The following GIMAP6 variants were observed in gnomAD, a reference collection of about 807,000 sequenced individuals.
GIMAP6 encodes GTPase, IMAP family member 6.
Under a neutral mutation model 9.3 loss-of-function variants are expected in GIMAP6, and 6 were observed. The ratio of observed to expected loss-of-function variants is 0.65; its 90% CI spans 0.35 to 1.27. The LOEUF (loss-of-function observed/expected upper bound fraction) is 1.27, where lower values mean the gene tolerates loss of function less well. Among genes scored for constraint, GIMAP6 ranks in the 50% most tolerant of loss-of-function variants. The pLI is 0.03. For synonymous variants in GIMAP6, 156 were observed against 151.1 expected, an observed-to-expected ratio of 1.03 and a Z score of -0.24; for missense variants, 333 against 359.5, an observed-to-expected ratio of 0.93 and a Z score of 0.60.
In GIMAP6 at chr7:150,625,736, C is replaced by T. The variant is rs966348036; in HGVS notation, c.*1983G>A. ...GGGGGAAATTACAGAATGATTTTAA[C>T]TCTCACATAGAAGAAAAAAATGCCT... On this transcript the variant is annotated 3_prime_UTR_variant, in exon 3 of 3. Transcript: ENST00000328902. The T allele has an allele frequency of 1.3e-5, 2 of 152,110 alleles. No individual in the cohort carries two copies. The highest frequency in any genetic ancestry group is 2.9e-5 in the Non-Finnish European group (2 of 68,010). 9.4% of individuals were successfully genotyped at this position (152,110 alleles called of 1,614,324 possible).
intron 2 of GIMAP6, among the ~76,000 whole-genome samples, chr7:150,629,698 G>T (rs1796359368): frequency 6.6e-6 from 1 of 152,134 alleles, no homozygotes; most frequent in Non-Finnish European, 1.5e-5. Flanking sequence ...GGGTCTGTTG[G>T]CATCCAAGCC....
In GIMAP6 at chr7:150,628,615, A is replaced by C. The variant is rs546970500; in HGVS notation, c.86-103T>G. The C allele has an allele frequency of 7.0e-5, 111 of 1,591,336 alleles. No homozygotes were observed. In the African/African-American group the frequency reaches 1.4e-3, roughly 20 times the overall value. On this transcript the variant is annotated intron_variant, in intron 2 of 2. Coordinates refer to ENST00000328902, the MANE Select transcript of GIMAP6 (RefSeq NM_024711.6). ...GGGTGTACCCCCAGACTGCAGGGGC[A>C]GATTGTAAAAGACCAACATCTGCCC... is the stretch of plus-strand genomic sequence containing the variant.
Position 150,630,047 on chromosome 7 carries a change from A to G in GIMAP6, c.85+11T>C. 6.4e-7 allele frequency: 1 copy of G among 1,568,596 alleles called. No homozygotes were observed. The highest frequency in any genetic ancestry group is 8.7e-7 in the Non-Finnish European group (1 of 1,150,888). On this transcript the variant is annotated intron_variant, in intron 2 of 2. Coordinates refer to ENST00000328902, the MANE Select transcript of GIMAP6 (RefSeq NM_024711.6). ...GTTTCCCACTTGCTCCCCTCTCCTC[A>G]TTCATTTTACCTCCTGACAGCTCCA...
rs1417805552 is a variant in GIMAP6, at chr7:150,626,655, G to C, written c.*1064C>G. ...CGCAAGATGTTTAAGTCACTCTACT[G>C]CTTCCTTTGCAGGCCCCCTTTCTTC... On this transcript the variant is annotated 3_prime_UTR_variant, in exon 3 of 3. Transcript: ENST00000328902. The C allele has an allele frequency of 6.6e-6, 1 of 152,316 alleles. No homozygotes were observed. Among genetic ancestry groups the C allele is most frequent in the African/African-American group, 2.4e-5 (1 of 41,436 alleles). 9.4% of individuals were successfully genotyped at this position (152,316 alleles called of 1,614,324 possible). A position where few individuals can be genotyped will look rare whatever the true frequency, so the allele number is the denominator to read the frequency against.
chr7:150,626,609 C>T lies in GIMAP6; in HGVS notation c.*1110G>A, dbSNP rs1796298431. 6.6e-6 allele frequency: 1 copy of T among 152,272 alleles called. No homozygotes were observed. The highest frequency in any genetic ancestry group is 6.5e-5 in the Admixed American group (1 of 15,282). The allele number at this position is 152,272 out of a possible 1,614,324, so 9.4% of individuals were successfully genotyped here. ...AACATCATGGGCTTCAGAGTTCTCC[C>T]ATAAACCAGGCAGGCTGCCTCGCAA... On this transcript the variant is annotated 3_prime_UTR_variant, in exon 3 of 3. Transcript: ENST00000328902.
At position 150,625,818 on chromosome 7, in the gene GIMAP6, T is replaced by C. The variant is rs986829085; in HGVS notation, c.*1901A>G. 10 of 152,106 alleles carry C rather than the reference T, an allele frequency of 6.6e-5. No individual in the cohort carries two copies. The highest frequency in any genetic ancestry group is 2.4e-4 in the African/African-American group (10 of 41,414). The allele number at this position is 152,106 out of a possible 1,614,324, so 9.4% of individuals were successfully genotyped here. A position where few individuals can be genotyped will look rare whatever the true frequency, so the allele number is the denominator to read the frequency against. ...CTGAGGCAAAAATTGGCTCCCACAT[T>C]ATAGTCAAAGCCACTGTAATCAAAT... is the stretch of plus-strand genomic sequence containing the variant. On this transcript the variant is annotated 3_prime_UTR_variant, in exon 3 of 3. Coordinates refer to ENST00000328902, the MANE Select transcript of GIMAP6 (RefSeq NM_024711.6).
chr7:150,629,035 C>A (rs966782498), intron 2 of GIMAP6, among the ~76,000 whole-genome samples: 14 of 152,192 alleles, frequency 9.2e-5, no homozygotes, highest in African/African-American at 3.1e-4. Flanking sequence ...CTCTGACCCA[C>A]GTGCCAATTC....
chr7:150,631,479 T>A (rs55642497), intron 1 of GIMAP6, among the ~76,000 whole-genome samples: 44,216 of 152,142 alleles, frequency 0.29, 6,563 homozygotes, highest in Non-Finnish European at 0.31. Context: ...CCTGGCTTCC[T>A]TACATCCCTG....
chr7:150,627,671 G>A lies in GIMAP6; in HGVS notation c.*48C>T. 1 of 1,603,342 alleles carries A rather than the reference G, an allele frequency of 6.2e-7. No individual in the cohort carries two copies. Among genetic ancestry groups the A allele is most frequent in the African/African-American group, 1.3e-5 (1 of 74,854 alleles). On this transcript the variant is annotated 3_prime_UTR_variant, in exon 3 of 3. Coordinates refer to ENST00000328902, the MANE Select transcript of GIMAP6 (RefSeq NM_024711.6). ...AAAGAGAAACAGAGGGCTGGACACAGGGGGGTGCAAAGGCTGATGGTGTCC... is the reference window on the plus strand; with the variant it reads ...AAAGAGAAACAGAGGGCTGGACACAAGGGGGTGCAAAGGCTGATGGTGTCC...
rs530295126 is a variant in GIMAP6, at chr7:150,627,600, C to T, written c.*119G>A. ...CTCAAGCCCCATGCCCCTCTTCCTA[C>T]ACCAGACGTCATGACCTGGAGACTG... On this transcript the variant is annotated 3_prime_UTR_variant, in exon 3 of 3. Coordinates refer to ENST00000328902, the MANE Select transcript of GIMAP6 (RefSeq NM_024711.6). 2.4e-6 allele frequency: 3 copies of T among 1,256,102 alleles called. No individual in the cohort carries two copies. The highest frequency in any genetic ancestry group is 3.4e-5 in the Admixed American group (2 of 58,302). The allele number at this position is 1,256,102 out of a possible 1,614,324, so 77.8% of individuals were successfully genotyped here.
rs554794074 is a variant in GIMAP6, at chr7:150,628,712, A to C, written c.86-200T>G. ...GGGGCTGAACGTTCTCTCCCAGTGCAAGAGCAGAGCCTAGAAAGAAGAGCG... is the reference window on the plus strand; with the variant it reads ...GGGGCTGAACGTTCTCTCCCAGTGCCAGAGCAGAGCCTAGAAAGAAGAGCG... On this transcript the variant is annotated intron_variant, in intron 2 of 2. Coordinates refer to ENST00000328902, the MANE Select transcript of GIMAP6 (RefSeq NM_024711.6). The C allele has an allele frequency of 1.9e-4, 288 of 1,506,416 alleles. No individual in the cohort carries two copies. In the East Asian group the frequency reaches 6.9e-3, roughly 36 times the overall value. 93.3% of individuals were successfully genotyped at this position (1,506,416 alleles called of 1,614,324 possible). A position where few individuals can be genotyped will look rare whatever the true frequency, so the allele number is the denominator to read the frequency against.
In GIMAP6 at chr7:150,628,472, C is replaced by A; in HGVS notation, c.126G>T (p.Arg42Ser). 6.2e-7 allele frequency: 1 copy of A among 1,614,176 alleles called. No homozygotes were observed. The highest frequency in any genetic ancestry group is 8.5e-7 in the Non-Finnish European group (1 of 1,180,024). Residue 42 changes from arginine (R) to serine (S), a missense_variant, in exon 3 of 3, where the codon AGG (arginine) becomes AGT (serine). Coordinates refer to ENST00000328902, the MANE Select transcript of GIMAP6 (RefSeq NM_024711.6). ...TCCCTGTTTTCCCCATGAGAATGAG[C>A]CTCAGTCTCCTTGGGGTCTTCTGTT... ...EKEQKTPRRL[R>S]LILMGKTGSG...
rs189588086 is a variant in GIMAP6 at position 150,625,772 on chromosome 7, A to G, written c.*1947T>C. Reference sequence around the variant, plus strand: ...AAGAAAAAAATGCCTGAGAATAACAAGGTAAATATAAAAATGAAGACTGAG... The same window carrying G: ...AAGAAAAAAATGCCTGAGAATAACAGGGTAAATATAAAAATGAAGACTGAG... On this transcript the variant is annotated 3_prime_UTR_variant, in exon 3 of 3. Transcript: ENST00000328902. The G allele has an allele frequency of 6.6e-6, 1 of 152,336 alleles. No homozygotes were observed. Among genetic ancestry groups the G allele is most frequent in the Admixed American group, 6.5e-5 (1 of 15,300 alleles). The allele number at this position is 152,336 out of a possible 1,614,324, so 9.4% of individuals were successfully genotyped here.
chr7:150,631,890 C>A (rs1299643340), intron 1 of GIMAP6, among the ~76,000 whole-genome samples: 1 of 152,056 alleles, frequency 6.6e-6, no homozygotes, highest in Non-Finnish European at 1.5e-5. Flanking sequence ...CAAACCTGCA[C>A]ACACCACAGC....
chr7:150,630,146 CAAAAA>C lies in GIMAP6; in HGVS notation c.1-9_1-5del, dbSNP rs58764098. ...GTTCATATTCTTCTTCCTCCATCTACAAAAAAAAAAAAAAAAAAAAAATCATATGT... is the reference window on the plus strand; with the variant it reads ...GTTCATATTCTTCTTCCTCCATCTACAAAAAAAAAAAAAAAAATCATATGT... On this transcript the variant is annotated splice_polypyrimidine_tract_variant and splice_region_variant and intron_variant, in intron 1 of 2. Transcript: ENST00000328902. 3,101 of 931,008 alleles carry C rather than the reference CAAAAA, an allele frequency of 3.3e-3. No homozygotes were observed. The highest frequency in any genetic ancestry group is 3.5e-3 in the Non-Finnish European group (2,442 of 701,158). The allele number at this position is 931,008 out of a possible 1,614,324, so 57.7% of individuals were successfully genotyped here.
At chr7:150,628,593 T>A in intron 2 of GIMAP6, 81 bp from the exon 3 acceptor site, 1 of 1,597,784 alleles carries the variant, frequency 6.3e-7, no homozygotes, top group Non-Finnish European at 8.5e-7. Flanking sequence ...AGCCTCTGGG[T>A]GTACCCCCAG....
Position 150,625,392 on chromosome 7 carries a change from C to T in GIMAP6, c.*2327G>A, listed in dbSNP as rs1467160520. 6.6e-6 allele frequency: 1 copy of T among 152,182 alleles called. No individual in the cohort carries two copies. Among genetic ancestry groups the T allele is most frequent in the Non-Finnish European group, 1.5e-5 (1 of 68,046 alleles). The allele number at this position is 152,182 out of a possible 1,614,324, so 9.4% of individuals were successfully genotyped here. On this transcript the variant is annotated 3_prime_UTR_variant, in exon 3 of 3. Transcript: ENST00000328902. Reference sequence around the variant, plus strand: ...ACACCATATTTGAGGTAAATAAAAACAACATTTAATGAATGACATGTTTTG... The same window carrying T: ...ACACCATATTTGAGGTAAATAAAAATAACATTTAATGAATGACATGTTTTG...
Position 150,627,423 on chromosome 7 carries a change from A to T in GIMAP6, c.*296T>A, listed in dbSNP as rs1327661735. 6.6e-6 allele frequency: 3 copies of T among 457,760 alleles called. No individual in the cohort carries two copies. Among genetic ancestry groups the T allele is most frequent in the Non-Finnish European group, 1.2e-5 (3 of 256,402 alleles). The allele number at this position is 457,760 out of a possible 1,614,324, so 28.4% of individuals were successfully genotyped here. On this transcript the variant is annotated 3_prime_UTR_variant, in exon 3 of 3. Transcript: ENST00000328902. ...CAAGAAACTTTGGTTCTATCAGAGT[A>T]TAGACAAGTAACTCATGAAAGGCAA...
intron 1 of GIMAP6, among the ~76,000 whole-genome samples, chr7:150,631,824 G>A (rs1481265061): frequency 6.6e-6 from 1 of 152,164 alleles, no homozygotes; most frequent in Non-Finnish European, 1.5e-5. Flanking sequence ...CAGTGACTTT[G>A]TCACAAGGCA....
Sources: gnomAD v4.1 joint callset for allele counts (sites outside exome capture counted in the v4.1 genomes callset) on GRCh38, gnomAD v4.1.1 for gene constraint, MANE v1.5 for transcripts, NCBI Gene and HGNC (gene_info 2026-07-23, HGNC 2026-07-21) for gene names.